PER3: variants seen among roughly 807,000 people sequenced by gnomAD.
The protein encoded by PER3 is period circadian regulator 3, also known as period circadian protein homolog 3.
In PER3, 107 loss-of-function variants were observed where a neutral mutation model predicts 127.2. That is an observed-to-expected ratio of 0.84 (90% CI 0.72 to 0.99). The LOEUF is 0.99. Among genes scored for constraint, PER3 ranks in the 50% least tolerant of loss-of-function variants. The probability of loss-of-function intolerance (pLI) is 0.00; values close to 1 mark genes in which losing one functional copy is unlikely to be tolerated. For missense variants in PER3, 1,560 were observed against 1,525.8 expected (o/e 1.02, Z -0.37); for synonymous variants, 618 against 585.8 (o/e 1.05, Z -0.79).
chr1:7,791,803 CTT>C (rs947978460), intron 5 of PER3, among the ~76,000 whole-genome samples: 3 of 152,350 alleles, frequency 2.0e-5, no homozygotes, highest in South Asian at 2.1e-4. Context: ...TTGCCAGTCT[CTT>C]TGCATAGCAG....
chr1:7,834,532 T>C (rs779268484), intron 19 of PER3, among the ~76,000 whole-genome samples: 4 of 152,180 alleles, frequency 2.6e-5, no homozygotes, highest in Non-Finnish European at 5.9e-5. Flanking sequence ...CATAGCTCAC[T>C]GTAGCCTCAA....
intron 10 of PER3, among the ~76,000 whole-genome samples, chr1:7,806,424 C>T (rs2097192913): frequency 1.3e-5 from 2 of 152,132 alleles, no homozygotes; most frequent in Admixed American, 1.3e-4. Flanking sequence ...TACTTCATGG[C>T]ATTTTTGTTG....
chr1:7,788,461 C>A, intron 5 of PER3: 1 of 559,026 alleles, frequency 1.8e-6, no homozygotes, highest in Non-Finnish European at 3.2e-6. Flanking sequence ...ATCTGTTTCA[C>A]AGATGATATG....
intron 4 of PER3, 39 bp downstream of exon 4, chr1:7,786,875 C>G (rs1577603946): frequency 8.3e-7 from 1 of 1,199,346 alleles, no homozygotes; most frequent in East Asian, 2.3e-5. Flanking sequence ...ACCTGGGTGA[C>G]TTTTCCTAAG....
chr1:7,816,125 T>C (rs2097250168), intron 13 of PER3, among the ~76,000 whole-genome samples: 1 of 151,158 alleles, frequency 6.6e-6, no homozygotes, highest in South Asian at 2.1e-4. Context: ...AAAAGAAGAA[T>C]GGTCTCGACT....
Position 7,786,799 on chromosome 1 carries a change from TG to T in PER3, c.355del (p.Ala119ProfsTer26). 6.2e-7 allele frequency: 1 copy of T among 1,609,924 alleles called. No homozygotes were observed. The highest frequency in any genetic ancestry group is 8.5e-7 in the Non-Finnish European group (1 of 1,176,120). ...ADVSMYSLEE[L>X]ATIASEHTSK... ...GTGAGCATGTACAGTCTTGAGGAGC[TG>T]GCCACTATCGCTTCAGAACACACTT... On this transcript the variant is annotated frameshift_variant, in exon 4 of 22. Transcript: ENST00000377532. LOFTEE classifies it high-confidence loss of function.
intron 10 of PER3, among the ~76,000 whole-genome samples, chr1:7,806,739 A>G (rs1285593200): frequency 6.7e-6 from 1 of 148,900 alleles, no homozygotes; most frequent in Admixed American, 6.8e-5. Context: ...GGCAGTAGTG[A>G]GCCAGAATTG....
In PER3 at chr1:7,823,058, C is replaced by A. The variant is rs2097284768; in HGVS notation, c.1957+2418C>A. On this transcript the variant is annotated intron_variant, in intron 16 of 21. Transcript: ENST00000377532. Reference sequence around the variant, plus strand: ...ACTGTACTCCAGCTGAGGGACAGAGCAAGACCCTGTCTCTAAAAATAAGTA... The same window carrying A: ...ACTGTACTCCAGCTGAGGGACAGAGAAAGACCCTGTCTCTAAAAATAAGTA... Among the ~76,000 whole-genome samples the A allele has an allele frequency of 2.6e-5, 4 of 152,220 alleles. No homozygotes were observed. The South Asian group carries it at 8.3e-4, about 32-fold the overall frequency.
Position 7,785,391 on chromosome 1 carries a change from G to C in PER3, c.129-50G>C, listed in dbSNP as rs2301490. 1.4e-4 allele frequency: 210 copies of C among 1,480,834 alleles called. 3 individuals carry two copies. The East Asian group carries it at 3.7e-3, about 26-fold the overall frequency. The allele number at this position is 1,480,834 out of a possible 1,614,324, so 91.7% of individuals were successfully genotyped here. On this transcript the variant is annotated intron_variant, in intron 2 of 21. Coordinates refer to ENST00000377532, the MANE Select transcript of PER3 (RefSeq NM_001377275.1). The stretch of plus-strand genomic sequence containing the variant: ...GCAGTTTGTGTTCCCTAAGCCGCAA[G>C]ATGCTGTTGTCTTCAGAGGATGAAG...
Position 7,845,158 on chromosome 1 carries a change from T to C in PER3, c.*2403T>C, listed in dbSNP as rs1294795558. The C allele has an allele frequency of 6.6e-6, 1 of 152,346 alleles. No individual in the cohort carries two copies. The highest frequency in any genetic ancestry group is 1.5e-5 in the Non-Finnish European group (1 of 68,038). The allele number at this position is 152,346 out of a possible 1,614,324, so 9.4% of individuals were successfully genotyped here. ...TTTTAAGTAAAAACAACAAATAAACTCTGTACATGTAAAACGTGAGAAATT... is the reference window on the plus strand; with the variant it reads ...TTTTAAGTAAAAACAACAAATAAACCCTGTACATGTAAAACGTGAGAAATT... On this transcript the variant is annotated 3_prime_UTR_variant, in exon 22 of 22. Coordinates refer to ENST00000377532, the MANE Select transcript of PER3 (RefSeq NM_001377275.1).
At chr1:7,842,509 AAT>A in intron 21 of PER3, 161 bp from the exon 22 acceptor site, 20 of 512,226 alleles carry the variant, frequency 3.9e-5, no homozygotes, top group Non-Finnish European at 5.0e-5. Context: ...CAAAAAAAAA[AAT>A]AAAAATAGTT....
chr1:7,798,693 G>A lies in PER3; in HGVS notation c.793+20G>A, dbSNP rs747654954. 4 of 1,601,498 alleles carry A rather than the reference G, an allele frequency of 2.5e-6. No individual in the cohort carries two copies. Among genetic ancestry groups the A allele is most frequent in the Non-Finnish European group, 3.4e-6 (4 of 1,168,626 alleles). On this transcript the variant is annotated intron_variant, in intron 7 of 21. Coordinates refer to ENST00000377532, the MANE Select transcript of PER3 (RefSeq NM_001377275.1). ...ATGAAGGTAAGTCAGTAGATAAGAT[G>A]CAGAAATGTCAGCAATCAGATAGGA...
chr1:7,817,435 C>G (rs1261433136), intron 13 of PER3, among the ~76,000 whole-genome samples: 1 of 152,242 alleles, frequency 6.6e-6, no homozygotes, highest in Admixed American at 6.5e-5. Flanking sequence ...TCAACTGTAT[C>G]TCCTAGGGCT....
intron 4 of PER3, 66 bp from the exon 5 acceptor site, chr1:7,787,979 T>C: frequency 8.4e-7 from 1 of 1,195,386 alleles, no homozygotes; most frequent in Non-Finnish European, 1.2e-6. Context: ...AGAAGAAATT[T>C]ACCTTTCAGG....
chr1:7,808,232 CAAAAA>C (rs60220289), intron 10 of PER3, among the ~76,000 whole-genome samples: 6 of 97,748 alleles, frequency 6.1e-5, no homozygotes, highest in South Asian at 3.8e-4. Flanking sequence ...GACTCTGTCT[CAAAAA>C]AAAAAAAAAA....
intron 10 of PER3, 143 bp downstream of exon 10, chr1:7,803,991 G>T: frequency 1.5e-6 from 1 of 645,252 alleles, no homozygotes. Flanking sequence ...GAGACAGTTT[G>T]ACAGTGTGTA....
At chr1:7,824,485 A>G (rs568355280) in intron 16 of PER3, among the ~76,000 whole-genome samples, 2 of 151,856 alleles carry the variant, frequency 1.3e-5, no homozygotes, top group African/African-American at 4.8e-5. Flanking sequence ...TCTTTTGTCT[A>G]TATAAACTGT....
rs755328763 is a variant in PER3, at chr1:7,801,120, G to A, written c.801G>A (p.Arg267=). Reference sequence around the variant, plus strand: ...TTGTTTTTTTTTCCTTAGCTCCTCGGATCCCAGTGAATAAAAGAATCTTCA... The same window carrying A: ...TTGTTTTTTTTTCCTTAGCTCCTCGAATCCCAGTGAATAAAAGAATCTTCA... The part of the protein sequence containing the change: ...EKIHSGYEAP[R]IPVNKRIFTT... Residue 267 remains arginine, a synonymous_variant, in exon 8 of 22, where the codon CGG becomes CGA. Transcript: ENST00000377532. 6.2e-7 allele frequency: 1 copy of A among 1,602,778 alleles called. No homozygotes were observed. The highest frequency in any genetic ancestry group is 8.5e-7 in the Non-Finnish European group (1 of 1,172,872).
At chr1:7,798,495 G>A in intron 6 of PER3, 30 bp from the exon 7 acceptor site, 1 of 1,596,498 alleles carries the variant, frequency 6.3e-7, no homozygotes, top group African/African-American at 1.3e-5. Flanking sequence ...GGTGCGTCAG[G>A]ACCAGCACTA....
Sources: allele counts gnomAD v4.1 joint callset (sites outside exome capture counted in the v4.1 genomes callset), GRCh38; gene constraint gnomAD v4.1.1; transcripts MANE v1.5; gene names NCBI Gene and HGNC (gene_info 2026-07-23, HGNC 2026-07-21).